The following ENOPH1 variants were observed in gnomAD, a reference collection of about 807,000 sequenced individuals.
ENOPH1 encodes the protein enolase-phosphatase 1, also known as enolase-phosphatase E1.
A neutral mutation model predicts 31.1 loss-of-function variants in ENOPH1; 14 were observed. The ratio of observed to expected loss-of-function variants is 0.45; its 90% CI spans 0.30 to 0.70. The LOEUF is 0.70. Ranked by LOEUF, ENOPH1 falls within the 30% of genes least tolerant of loss-of-function variation. ENOPH1 has a pLI of 0.09. For synonymous variants in ENOPH1, 127 were observed against 123.2 expected (o/e 1.03, Z -0.21); for missense variants, 243 against 321.5 (o/e 0.76, Z 1.87).
In ENOPH1 at chr4:82,456,861, G is replaced by C. The variant is rs538681462; in HGVS notation, c.523-54G>C. The C allele has an allele frequency of 2.5e-6, 4 of 1,596,346 alleles. No homozygotes were observed. In the African/African-American group the frequency reaches 5.4e-5, roughly 21 times the overall value. ...TGTCATGTATTTCAGAGAAAGGCAT[G>C]AGGGGCATGCAAGTGTATTTGTATT... On this transcript the variant is annotated intron_variant, in intron 4 of 5. Transcript: ENST00000273920.
At chr4:82,457,816 C>T (rs769574210) in intron 5 of ENOPH1, among the ~76,000 whole-genome samples, 4 of 152,204 alleles carry the variant, frequency 2.6e-5, no homozygotes, top group Non-Finnish European at 5.9e-5. Context: ...AACCCCTGTC[C>T]TTAGACCACT....
At chr4:82,459,503 G>A (rs1560469858) in intron 5 of ENOPH1, among the ~76,000 whole-genome samples, 2 of 152,120 alleles carry the variant, frequency 1.3e-5, no homozygotes, top group Admixed American at 6.5e-5. Context: ...ATGTTGCCCA[G>A]GCTGGTCTCG....
intron 5 of ENOPH1, among the ~76,000 whole-genome samples, chr4:82,457,558 T>C (rs920985087): frequency 7.9e-5 from 12 of 152,154 alleles, no homozygotes; most frequent in Admixed American, 7.9e-4. Context: ...GGAAGTGGCA[T>C]TGAAAAGACT....
chr4:82,434,924 A>G (rs573900577), intron 1 of ENOPH1, among the ~76,000 whole-genome samples: 8 of 151,822 alleles, frequency 5.3e-5, no homozygotes, highest in African/African-American at 1.4e-4. Context: ...AAAAAAGTAT[A>G]TGGTAACAAA....
chr4:82,448,843 G>C (rs1294101060), intron 2 of ENOPH1, among the ~76,000 whole-genome samples: 1 of 151,210 alleles, frequency 6.6e-6, no homozygotes, highest in Non-Finnish European at 1.5e-5. Context: ...CGGATCACGA[G>C]GTCAGGAGAT....
In ENOPH1 at chr4:82,430,754, G is replaced by C; in HGVS notation, c.-76G>C. On this transcript the variant is annotated 5_prime_UTR_variant, in exon 1 of 6. Coordinates refer to ENST00000273920, the MANE Select transcript of ENOPH1 (RefSeq NM_021204.5). ...CCGCCGGAAGCCCAAGACGGTACCG[G>C]GGGCCGCAGCCGCAGCCGGCGCCGC... 7.0e-7 allele frequency: 1 copy of C among 1,430,160 alleles called. No homozygotes were observed. The highest frequency in any genetic ancestry group is 9.8e-7 in the Non-Finnish European group (1 of 1,017,238). The allele number at this position is 1,430,160 out of a possible 1,614,324, so 88.6% of individuals were successfully genotyped here. A position where few individuals can be genotyped will look rare whatever the true frequency, so the allele number is the denominator to read the frequency against.
intron 4 of ENOPH1, among the ~76,000 whole-genome samples, chr4:82,456,214 A>G (rs1330088765): frequency 1.0e-5 from 1 of 96,690 alleles, no homozygotes; most frequent in Non-Finnish European, 1.9e-5. Context: ...ACTTAAAATT[A>G]CTTTTTTTTT....
At chr4:82,451,007 G>GCAAAAAA in intron 2 of ENOPH1, 36 bp from the exon 3 acceptor site, 1 of 1,571,232 alleles carries the variant, frequency 6.4e-7, no homozygotes, top group Non-Finnish European at 8.7e-7. Flanking sequence ...TTTTGAATAA[G>GCAAAAAA]CAAAAAACAA....
intron 4 of ENOPH1, among the ~76,000 whole-genome samples, chr4:82,455,213 T>C (rs1006762267): frequency 6.6e-6 from 1 of 152,192 alleles, no homozygotes; most frequent in Non-Finnish European, 1.5e-5. Flanking sequence ...AGCATTATTA[T>C]AGGAGAACCA....
At chr4:82,447,732 C>T (rs1028613467) in intron 1 of ENOPH1, among the ~76,000 whole-genome samples, 188 bp from the exon 2 acceptor site, 2 of 152,154 alleles carry the variant, frequency 1.3e-5, no homozygotes, top group African/African-American at 4.8e-5. Flanking sequence ...TGTAGTTTGC[C>T]GACTCTTGGT....
Position 82,454,725 on chromosome 4 carries a change from C to T in ENOPH1, c.393C>T (p.Phe131=). ...AACTTAGTGGTCTTCCCTCTAGGTT[C>T]TTTGCAGATGTAGTTCCAGCAGTCA... The part of the protein sequence containing the change: ...AFTAGRMKAE[F]FADVVPAVRK... Residue 131 remains phenylalanine (F), a synonymous_variant, in exon 4 of 6, where the codon TTC becomes TTT. Transcript: ENST00000273920. 6.2e-7 allele frequency: 1 copy of T among 1,612,620 alleles called. No homozygotes were observed. Among genetic ancestry groups the T allele is most frequent in the Non-Finnish European group, 8.5e-7 (1 of 1,179,658 alleles).
At chr4:82,433,912 A>G (rs750764947) in intron 1 of ENOPH1, among the ~76,000 whole-genome samples, 7 of 152,204 alleles carry the variant, frequency 4.6e-5, no homozygotes, top group Non-Finnish European at 8.8e-5. Flanking sequence ...TTGAAAGATA[A>G]TCTGCTTGGA....
At chr4:82,442,697 T>G (rs1240259386) in intron 1 of ENOPH1, among the ~76,000 whole-genome samples, 1 of 152,226 alleles carries the variant, frequency 6.6e-6, no homozygotes, top group African/African-American at 2.4e-5. Flanking sequence ...TAAGTTCATG[T>G]TCTCTCATAT....
chr4:82,445,831 T>C (rs1722160851), intron 1 of ENOPH1, among the ~76,000 whole-genome samples: 1 of 152,246 alleles, frequency 6.6e-6, no homozygotes, highest in African/African-American at 2.4e-5. Context: ...GCGCATTTTA[T>C]AGATGAGGAG....
intron 3 of ENOPH1, among the ~76,000 whole-genome samples, chr4:82,454,162 T>C (rs1414871126): frequency 6.6e-6 from 1 of 151,968 alleles, no homozygotes; most frequent in South Asian, 2.1e-4. Context: ...TGCAGTGAGC[T>C]GAGATCATGC....
intron 1 of ENOPH1, among the ~76,000 whole-genome samples, chr4:82,432,105 G>A (rs1349522492): frequency 2.0e-5 from 3 of 151,994 alleles, no homozygotes; most frequent in Non-Finnish European, 2.9e-5. Context: ...TTGTAGAGAC[G>A]GGGTTTCGCC....
Position 82,430,794 on chromosome 4 carries a change from A to G in ENOPH1, c.-36A>G, listed in dbSNP as rs766115304. 1.2e-5 allele frequency: 19 copies of G among 1,603,576 alleles called. No individual in the cohort carries two copies. The East Asian group carries it at 4.2e-4, about 36-fold the overall frequency. On this transcript the variant is annotated 5_prime_UTR_variant, in exon 1 of 6. Coordinates refer to ENST00000273920, the MANE Select transcript of ENOPH1 (RefSeq NM_021204.5). The stretch of plus-strand genomic sequence containing the variant: ...GCCGGCGCCGCCCTCCGCCCTCCCC[A>G]ACAGCAGGCCGAGTCCCGTAGCATC...
chr4:82,450,964 C>G, intron 2 of ENOPH1, 79 bp from the exon 3 acceptor site: 1 of 1,203,340 alleles, frequency 8.3e-7, no homozygotes, highest in Non-Finnish European at 1.2e-6. Context: ...AGTTGTTCTG[C>G]TGGGTTTTTG....
intron 5 of ENOPH1, among the ~76,000 whole-genome samples, chr4:82,457,265 C>T (rs1722514446): frequency 6.6e-6 from 1 of 151,648 alleles, no homozygotes; most frequent in Admixed American, 6.6e-5. Flanking sequence ...AATCCCAGCA[C>T]TTCTGTGGGC....
Sources: gnomAD v4.1 joint callset for allele counts (sites outside exome capture counted in the v4.1 genomes callset) on GRCh38, gnomAD v4.1.1 for gene constraint, MANE v1.5 for transcripts, NCBI Gene and HGNC (gene_info 2026-07-23, HGNC 2026-07-21) for gene names.